PCDHGC3: variants seen among roughly 807,000 people sequenced by gnomAD.
PCDHGC3 encodes the protein protocadherin gamma-C3.
A neutral mutation model predicts 59.2 loss-of-function variants in PCDHGC3; 26 were observed. The ratio of observed to expected loss-of-function variants is 0.44; its 90% CI spans 0.32 to 0.61. The LOEUF (loss-of-function observed/expected upper bound fraction) is 0.61, where lower values mean the gene tolerates loss of function less well. Among genes scored for constraint, PCDHGC3 ranks in the 20% least tolerant of loss-of-function variants. The pLI, the probability that PCDHGC3 is intolerant of heterozygous loss-of-function variation, is 0.05. For missense variants in PCDHGC3, 1,080 were observed against 1,221.8 expected, an observed-to-expected ratio of 0.88 and a Z score of 1.73; for synonymous variants, 487 against 519.7, an observed-to-expected ratio of 0.94 and a Z score of 0.86.
chr5:141,476,071 T>A lies in PCDHGC3; in HGVS notation c.-46T>A. On this transcript the variant is annotated 5_prime_UTR_variant, in exon 1 of 4. Transcript: ENST00000308177. The surrounding 1 kb of genome is among the most constrained non-coding windows in gnomAD (Gnocchi z 7.6). ...CCGCTGAAAGTTTCTCAGCGAAATC[T>A]CAGGGACGATCTGGACCCCGCTGAG... 6.6e-7 allele frequency: 1 copy of A among 1,522,792 alleles called. No individual in the cohort carries two copies. The highest frequency in any genetic ancestry group is 8.8e-7 in the Non-Finnish European group (1 of 1,142,680). 94.3% of individuals were successfully genotyped at this position (1,522,792 alleles called of 1,614,324 possible).
At chr5:141,495,810 C>A (rs1003475681) in intron 2 of PCDHGC3, among the ~76,000 whole-genome samples, 2 of 152,088 alleles carry the variant, frequency 1.3e-5, no homozygotes, top group African/African-American at 4.8e-5. Flanking sequence ...CGTTTCCTAG[C>A]GCCTTGTGTT....
chr5:141,512,897 C>T lies in PCDHGC3; in HGVS notation c.*1724C>T, dbSNP rs1482341871. ...CTCCCACCCCACCCTCTTCCTGTGT[C>T]TCACGCAAGTTTTATACTCTAATAT... On this transcript the variant is annotated 3_prime_UTR_variant, in exon 4 of 4. Coordinates refer to ENST00000308177, the MANE Select transcript of PCDHGC3 (RefSeq NM_002588.4). 1.3e-5 allele frequency: 2 copies of T among 152,274 alleles called. No homozygotes were observed. The highest frequency in any genetic ancestry group is 4.8e-5 in the African/African-American group (2 of 41,470). The allele number at this position is 152,274 out of a possible 1,614,324, so 9.4% of individuals were successfully genotyped here. A position where few individuals can be genotyped will look rare whatever the true frequency, so the allele number is the denominator to read the frequency against.
At chr5:141,488,525 G>A (rs1040463796) in intron 1 of PCDHGC3, among the ~76,000 whole-genome samples, 1 of 152,182 alleles carries the variant, frequency 6.6e-6, no homozygotes, top group African/African-American at 2.4e-5. Flanking sequence ...TGGGGTGTCA[G>A]AAAAGCTAAG....
Position 141,489,216 on chromosome 5 carries a change from C to G in PCDHGC3, c.2431-5591C>G. The G allele has an allele frequency of 6.7e-7, 1 of 1,486,698 alleles. No individual in the cohort carries two copies. Among genetic ancestry groups the G allele is most frequent in the Non-Finnish European group, 9.1e-7 (1 of 1,103,260 alleles). 92.1% of individuals were successfully genotyped at this position (1,486,698 alleles called of 1,614,324 possible). ...TTGGAGACAGGACAGCACAGACTTA[C>G]TCTCCACAAAGGGACTTCTGGGTCA... On this transcript the variant is annotated intron_variant, in intron 1 of 3. Transcript: ENST00000308177. This position sits in a 1 kb window ranked among gnomAD's most constrained non-coding sequence, Gnocchi z 4.5.
intron 3 of PCDHGC3, among the ~76,000 whole-genome samples, chr5:141,509,807 C>T (rs369661041): frequency 2.0e-5 from 3 of 152,104 alleles, no homozygotes; most frequent in Non-Finnish European, 4.4e-5. Context: ...TTCATAGAGC[C>T]GAGCTCTTCT....
In PCDHGC3 at chr5:141,485,798, C is replaced by T. The variant is rs764109672; in HGVS notation, c.2430+7252C>T. The T allele has an allele frequency of 2.0e-5, 32 of 1,614,172 alleles. No individual in the cohort carries two copies. The highest frequency in any genetic ancestry group is 1.1e-4 in the East Asian group (5 of 44,876). ...GGATCGAGAGAAGCAATCGGACTAC[C>T]GCCTGGTGCTGACTGCTGTCGATGG... is the stretch of plus-strand genomic sequence containing the variant. On this transcript the variant is annotated intron_variant, in intron 1 of 3. Coordinates refer to ENST00000308177, the MANE Select transcript of PCDHGC3 (RefSeq NM_002588.4). The surrounding 1 kb of genome is among the most constrained non-coding windows in gnomAD (Gnocchi z 5.7).
In PCDHGC3 at chr5:141,477,176, G is replaced by C. The variant is rs766547728; in HGVS notation, c.1060G>C (p.Val354Leu). Residue 354 changes from valine to leucine, a missense_variant, in exon 1 of 4, where the codon GTC (valine) becomes CTC (leucine). Coordinates refer to ENST00000308177, the MANE Select transcript of PCDHGC3 (RefSeq NM_002588.4). This position sits in a 1 kb window ranked among gnomAD's most constrained non-coding sequence, Gnocchi z 4.9. Reference protein sequence around the residue: ...DVNDNAPEITVTSVYSPVPED... With the variant: ...DVNDNAPEITLTSVYSPVPED... ...GAATGACAACGCCCCGGAGATCACAGTCACCTCCGTGTACAGCCCAGTACC... is the reference window on the plus strand; with the variant it reads ...GAATGACAACGCCCCGGAGATCACACTCACCTCCGTGTACAGCCCAGTACC... The C allele has an allele frequency of 1.2e-6, 2 of 1,614,206 alleles. No individual in the cohort carries two copies. The highest frequency in any genetic ancestry group is 3.3e-5 in the Admixed American group (2 of 60,024).
Position 141,487,904 on chromosome 5 carries a change from G to A in PCDHGC3, c.2431-6903G>A, listed in dbSNP as rs1229814755. On this transcript the variant is annotated intron_variant, in intron 1 of 3. Coordinates refer to ENST00000308177, the MANE Select transcript of PCDHGC3 (RefSeq NM_002588.4). The surrounding 1 kb of genome is among the most constrained non-coding windows in gnomAD (Gnocchi z 5.0). ...TGTGGAAGCATGATGATGGAATGTG[G>A]GAGCACAGGAGGCTACAGTGCACAG... 8.8e-6 allele frequency: 6 copies of A among 685,686 alleles called. No individual in the cohort carries two copies. The highest frequency in any genetic ancestry group is 1.5e-5 in the Non-Finnish European group (6 of 410,118). 42.5% of individuals were successfully genotyped at this position (685,686 alleles called of 1,614,324 possible). A position where few individuals can be genotyped will look rare whatever the true frequency, so the allele number is the denominator to read the frequency against.
In PCDHGC3 at chr5:141,493,550, T is replaced by C. The variant is rs978188511; in HGVS notation, c.2431-1257T>C. On this transcript the variant is annotated intron_variant, in intron 1 of 3. Coordinates refer to ENST00000308177, the MANE Select transcript of PCDHGC3 (RefSeq NM_002588.4). This position sits in a 1 kb window ranked among gnomAD's most constrained non-coding sequence, Gnocchi z 4.3. Reference sequence around the variant, plus strand: ...ACTTGGCCAGTTATCCTTTTGGAGATTGAGTTCCCCCAGCTCCGTTTCCTC... The same window carrying C: ...ACTTGGCCAGTTATCCTTTTGGAGACTGAGTTCCCCCAGCTCCGTTTCCTC... Among the ~76,000 whole-genome samples the C allele has an allele frequency of 1.3e-5, 2 of 152,172 alleles. No homozygotes were observed. The highest frequency in any genetic ancestry group is 2.4e-5 in the African/African-American group (1 of 41,430).
Position 141,487,506 on chromosome 5 carries a change from C to T in PCDHGC3, c.2431-7301C>T. 1 of 1,614,220 alleles carries T rather than the reference C, an allele frequency of 6.2e-7. No homozygotes were observed. The highest frequency in any genetic ancestry group is 8.5e-7 in the Non-Finnish European group (1 of 1,180,046). On this transcript the variant is annotated intron_variant, in intron 1 of 3. Coordinates refer to ENST00000308177, the MANE Select transcript of PCDHGC3 (RefSeq NM_002588.4). The surrounding 1 kb of genome is among the most constrained non-coding windows in gnomAD (Gnocchi z 5.0). ...CATGGCTGTACACCCTTGGCTTCTG[C>T]ACCCACTCGGAGTGATAGCTTCATG...
chr5:141,500,318 C>T (rs1005060282), intron 2 of PCDHGC3, among the ~76,000 whole-genome samples: 3 of 151,948 alleles, frequency 2.0e-5, no homozygotes, highest in African/African-American at 7.3e-5. Context: ...ACGCCATGCT[C>T]CTGCCTCAGC....
In PCDHGC3 at chr5:141,493,482, G is replaced by T. The variant is rs184736387; in HGVS notation, c.2431-1325G>T. The stretch of plus-strand genomic sequence containing the variant: ...TTTTAGGACCTTACATGTGGGGAAA[G>T]TCTTCTGTGGCTCCTCATTTCTGAG... On this transcript the variant is annotated intron_variant, in intron 1 of 3. Coordinates refer to ENST00000308177, the MANE Select transcript of PCDHGC3 (RefSeq NM_002588.4). The surrounding 1 kb of genome is among the most constrained non-coding windows in gnomAD (Gnocchi z 4.3). 6.6e-6 allele frequency among the ~76,000 whole-genome samples: 1 copy of T among 152,206 alleles called. No individual in the cohort carries two copies. Among genetic ancestry groups the T allele is most frequent in the Admixed American group, 6.5e-5 (1 of 15,282 alleles).
intron 3 of PCDHGC3, among the ~76,000 whole-genome samples, chr5:141,506,146 T>C (rs1014881418): frequency 6.6e-6 from 1 of 152,086 alleles, no homozygotes; most frequent in African/African-American, 2.4e-5. Context: ...AAGAATATCA[T>C]TTGTCCTTAA....
At chr5:141,500,167 A>C (rs976308963) in intron 2 of PCDHGC3, among the ~76,000 whole-genome samples, 1 of 150,656 alleles carries the variant, frequency 6.6e-6, no homozygotes, top group African/African-American at 2.4e-5. Context: ...AAGAACATGC[A>C]TGAGCTTCAT....
Position 141,477,689 on chromosome 5 carries a change from C to T in PCDHGC3, c.1573C>T (p.Leu525=). The T allele has an allele frequency of 6.2e-7, 1 of 1,614,156 alleles. No individual in the cohort carries two copies. The highest frequency in any genetic ancestry group is 8.5e-7 in the Non-Finnish European group (1 of 1,180,024). The part of the protein sequence containing the change: ...DNGIVSSLVP[L]DYEDRREFEL... ...TGGCATAGTGTCATCCTTAGTGCCC[C>T]TAGACTATGAGGATCGGCGGGAATT... The change falls in exon 1 of 4, where the codon CTA becomes TTA. Residue 525 remains leucine (L), a synonymous_variant. Transcript: ENST00000308177. This position sits in a 1 kb window ranked among gnomAD's most constrained non-coding sequence, Gnocchi z 4.9.
rs750401937 is a variant in PCDHGC3 at position 141,487,357 on chromosome 5, T to G, written c.2431-7450T>G. 5.0e-6 allele frequency: 8 copies of G among 1,614,212 alleles called. No homozygotes were observed. The highest frequency in any genetic ancestry group is 6.8e-6 in the Non-Finnish European group (8 of 1,180,032). ...CCTGTGGAGTCACATGCTTTCCTGC[T>G]GGCACCTGTGCCTGTCTCACCAGAT... On this transcript the variant is annotated intron_variant, in intron 1 of 3. Transcript: ENST00000308177. This position sits in a 1 kb window ranked among gnomAD's most constrained non-coding sequence, Gnocchi z 5.0.
At position 141,476,409 on chromosome 5, in the gene PCDHGC3, G is replaced by A. The variant is rs1226666958; in HGVS notation, c.293G>A (p.Cys98Tyr). The A allele has an allele frequency of 6.2e-7, 1 of 1,614,154 alleles. No homozygotes were observed. The highest frequency in any genetic ancestry group is 1.7e-5 in the Admixed American group (1 of 60,030). ...GACCGTCTGGATCGAGAGGAGCTGT[G>A]TGGGACACTGCCCTCTTGCACTGTA... is the stretch of plus-strand genomic sequence containing the variant. Reference protein sequence around the residue: ...VNDRLDREELCGTLPSCTVTL... With the variant: ...VNDRLDREELYGTLPSCTVTL... The change falls in exon 1 of 4, where the codon TGT (cysteine) becomes TAT (tyrosine). Residue 98 changes from cysteine to tyrosine, a missense_variant. Cys to Tyr is a radical substitution (Grantham distance 194, BLOSUM62 -2). Coordinates refer to ENST00000308177, the MANE Select transcript of PCDHGC3 (RefSeq NM_002588.4). The surrounding 1 kb of genome is among the most constrained non-coding windows in gnomAD (Gnocchi z 7.6).
Position 141,489,941 on chromosome 5 carries a change from A to G in PCDHGC3, c.2431-4866A>G. Reference sequence around the variant, plus strand: ...ACCCTTATCTCTGTCATCGTGCTGGACATCAATGATAATGCTCCAACCTTC... The same window carrying G: ...ACCCTTATCTCTGTCATCGTGCTGGGCATCAATGATAATGCTCCAACCTTC... On this transcript the variant is annotated intron_variant, in intron 1 of 3. Transcript: ENST00000308177. The surrounding 1 kb of genome is among the most constrained non-coding windows in gnomAD (Gnocchi z 4.5). 1.2e-6 allele frequency: 2 copies of G among 1,614,228 alleles called. No homozygotes were observed. The highest frequency in any genetic ancestry group is 1.7e-6 in the Non-Finnish European group (2 of 1,180,034).
In PCDHGC3 at chr5:141,485,513, T is replaced by C. The variant is rs751762068; in HGVS notation, c.2430+6967T>C. The C allele has an allele frequency of 4.3e-6, 7 of 1,613,938 alleles. No homozygotes were observed. The highest frequency in any genetic ancestry group is 2.2e-5 in the East Asian group (1 of 44,890). On this transcript the variant is annotated intron_variant, in intron 1 of 3. Coordinates refer to ENST00000308177, the MANE Select transcript of PCDHGC3 (RefSeq NM_002588.4). The surrounding 1 kb of genome is among the most constrained non-coding windows in gnomAD (Gnocchi z 5.7). ...CCTGGAGTTTGTCACCGAAGGTCCTTTGGAAATGTACCGAGCAGAGGTAGA... is the reference window on the plus strand; with the variant it reads ...CCTGGAGTTTGTCACCGAAGGTCCTCTGGAAATGTACCGAGCAGAGGTAGA...
Sources: allele counts gnomAD v4.1 joint callset (sites outside exome capture counted in the v4.1 genomes callset), GRCh38; gene constraint gnomAD v4.1.1; non-coding constraint Gnocchi (gnomAD v3.1); transcripts MANE v1.5; gene names NCBI Gene and HGNC (gene_info 2026-07-23, HGNC 2026-07-21).